Variants in PTGR1 observed in about 807,000 individuals in gnomAD.
PTGR1 encodes the protein prostaglandin reductase 1.
Under a neutral mutation model 37.7 loss-of-function variants are expected in PTGR1, and 23 were observed. That is an observed-to-expected ratio of 0.61 (90% CI 0.44 to 0.86). The LOEUF (loss-of-function observed/expected upper bound fraction) is 0.86. Among genes scored for constraint, PTGR1 ranks in the 40% least tolerant of loss-of-function variants. The pLI is 0.00. For missense variants in PTGR1, 351 were observed against 394.3 expected, an observed-to-expected ratio of 0.89 and a Z score of 0.93; for synonymous variants, 134 against 140.0, an observed-to-expected ratio of 0.96 and a Z score of 0.30.
At chr9:111,586,758 A>G (rs1033342439) in intron 4 of PTGR1, among the ~76,000 whole-genome samples, 5 of 149,434 alleles carry the variant, frequency 3.3e-5, no homozygotes, top group African/African-American at 1.2e-4. Context: ...ATATTCCTTA[A>G]TCATTGTCTG....
At chr9:111,557,233 G>A (rs1256976578) in intron 9 of PTGR1, among the ~76,000 whole-genome samples, 1 of 151,896 alleles carries the variant, frequency 6.6e-6, no homozygotes, top group Non-Finnish European at 1.5e-5. Flanking sequence ...AATTAGCCGG[G>A]CATCATGGCA....
At chr9:111,552,791 TATTAAAATATA>T (rs1163917046) in intron 9 of PTGR1, among the ~76,000 whole-genome samples, 3 of 151,910 alleles carry the variant, frequency 2.0e-5, no homozygotes, top group Admixed American at 2.0e-4. Context: ...TGGTCTTTAT[TATTAAAATATA>T]AATATTCTAT....
chr9:111,565,175 C>T (rs1828501494), intron 9 of PTGR1, among the ~76,000 whole-genome samples: 1 of 151,868 alleles, frequency 6.6e-6, no homozygotes, highest in Non-Finnish European at 1.5e-5. Flanking sequence ...GGGCCTTAAT[C>T]AATATGACTG....
At position 111,553,717 on chromosome 9, in the gene PTGR1, C is replaced by T. The variant is rs541396329; in HGVS notation, c.880-3918G>A. ...TTGTAGTTCTATCAAAATAAAGATA[C>T]GTTTAGTGGAAAAGTATTTGACTCT... On this transcript the variant is annotated intron_variant, in intron 9 of 9. Transcript: ENST00000538962. Among the ~76,000 whole-genome samples, 24 of 152,292 alleles carry T rather than the reference C, an allele frequency of 1.6e-4. No homozygotes were observed. In the East Asian group the frequency reaches 3.5e-3, roughly 22 times the overall value.
chr9:111,583,120 T>C (rs1829329254), intron 6 of PTGR1, among the ~76,000 whole-genome samples: 2 of 152,242 alleles, frequency 1.3e-5, no homozygotes, highest in African/African-American at 4.8e-5. Flanking sequence ...TGATGACTCT[T>C]AGCTGGCTCA....
In PTGR1 at chr9:111,586,133, T is replaced by C. The variant is rs1829421795; in HGVS notation, c.242A>G (p.Lys81Arg). The C allele has an allele frequency of 1.9e-6, 3 of 1,614,152 alleles. No individual in the cohort carries two copies. In the South Asian group the frequency reaches 3.3e-5, roughly 18 times the overall value. The change falls in exon 5 of 10, where the codon AAA becomes AGA. Residue 81 changes from lysine (K) to arginine (R), a missense_variant. Lys to Arg is a conservative substitution (Grantham distance 26). Coordinates refer to ENST00000407693, the MANE Select transcript of PTGR1 (RefSeq NM_001146108.2). ...VVESKNVALP[K>R]GTIVLASPGW... Reference sequence around the variant, plus strand: ...TGGAGAAGCCAGTACAATAGTTCCTTTTGGTAGGGCTACATTTTTACTTTC... The same window carrying C: ...TGGAGAAGCCAGTACAATAGTTCCTCTTGGTAGGGCTACATTTTTACTTTC...
chr9:111,584,175 C>A (rs575421479), intron 5 of PTGR1, among the ~76,000 whole-genome samples: 2 of 152,228 alleles, frequency 1.3e-5, no homozygotes, highest in Non-Finnish European at 2.9e-5. Context: ...ACTGGCAGTA[C>A]TGATGGGGAC....
intron 6 of PTGR1, among the ~76,000 whole-genome samples, chr9:111,581,639 T>A (rs1189864682): frequency 6.7e-6 from 1 of 148,792 alleles, no homozygotes; most frequent in Non-Finnish European, 1.5e-5. Flanking sequence ...GTCCTTTGAA[T>A]TTTTTTTTTT....
At chr9:111,578,326 T>G (rs934673646) in intron 7 of PTGR1, among the ~76,000 whole-genome samples, 1 of 152,148 alleles carries the variant, frequency 6.6e-6, no homozygotes, top group Non-Finnish European at 1.5e-5. Context: ...TTATTTCTAT[T>G]ATTATTGCAA....
intron 5 of PTGR1, among the ~76,000 whole-genome samples, chr9:111,584,349 A>C (rs1298447314): frequency 6.6e-6 from 1 of 152,230 alleles, no homozygotes; most frequent in African/African-American, 2.4e-5. Flanking sequence ...GAGAATAGAG[A>C]GGAAGAGCTC....
downstream of PTGR1, among the ~76,000 whole-genome samples, chr9:111,558,980 C>G (rs1413260130): frequency 6.6e-6 from 1 of 152,134 alleles, no homozygotes; most frequent in East Asian, 1.9e-4. Context: ...CTCCTCCATT[C>G]CTCTCAAGCT....
At chr9:111,599,141 T>C (rs117130434) in intron 1 of PTGR1, among the ~76,000 whole-genome samples, 11,503 of 152,070 alleles carry the variant, frequency 0.076, 602 homozygotes, top group East Asian at 0.23. Flanking sequence ...CGGGAAAGTC[T>C]CGCCCGCCCG....
At chr9:111,570,514 T>A (rs1376910769) in intron 8 of PTGR1, among the ~76,000 whole-genome samples, 2 of 151,976 alleles carry the variant, frequency 1.3e-5, no homozygotes, top group Non-Finnish European at 2.9e-5. Flanking sequence ...CTCACACCTG[T>A]AATCCCAGCA....
At chr9:111,595,363 C>T (rs1258912969) in intron 2 of PTGR1, among the ~76,000 whole-genome samples, 1 of 152,150 alleles carries the variant, frequency 6.6e-6, no homozygotes, top group Non-Finnish European at 1.5e-5. Flanking sequence ...ATATTGCTTC[C>T]ATTTTAGGTT....
At chr9:111,588,196 A>ATTTT (rs71302619) in intron 4 of PTGR1, among the ~76,000 whole-genome samples, 2 of 126,846 alleles carry the variant, frequency 1.6e-5, no homozygotes, top group Non-Finnish European at 3.2e-5. Flanking sequence ...CATCCAGCTA[A>ATTTT]TTTTTTTTTT....
At chr9:111,587,707 C>T (rs961687316) in intron 4 of PTGR1, among the ~76,000 whole-genome samples, 1 of 152,198 alleles carries the variant, frequency 6.6e-6, no homozygotes, top group Non-Finnish European at 1.5e-5. Context: ...GCCTCAGCCT[C>T]CCAAAGTGCT....
At chr9:111,585,901 A>T in intron 5 of PTGR1, 97 bp downstream of exon 5, 1 of 1,409,602 alleles carries the variant, frequency 7.1e-7, no homozygotes, top group Non-Finnish European at 9.8e-7. Flanking sequence ...CCTATCATGC[A>T]TCAAATATCT....
Position 111,570,150 on chromosome 9 carries a change from G to A in PTGR1, c.820C>T (p.Arg274Cys), listed in dbSNP as rs752265017. 3.5e-5 allele frequency: 57 copies of A among 1,613,920 alleles called. 1 individual carries two copies. The highest frequency in any genetic ancestry group is 1.1e-4 in the East Asian group (5 of 44,884). ...TTTTGGCGGGCATCTCCTTGCCAGC[G>A]GTAGACGACAAAAGCTTCCATGCGA... Reference protein sequence around the residue: ...ELRMEAFVVYRWQGDARQKAL... With the variant: ...ELRMEAFVVYCWQGDARQKAL... The change falls in exon 9 of 10, where the codon CGC becomes TGC. Residue 274 changes from arginine (R) to cysteine (C), a missense_variant. Transcript: ENST00000407693.
In PTGR1 at chr9:111,576,533, A is replaced by G. The variant is rs569006170; in HGVS notation, c.652-1691T>C. On this transcript the variant is annotated intron_variant, in intron 7 of 9. Transcript: ENST00000407693. ...AGAGCTGGATGGAGTATGAATCCCA[A>G]CTCTGGGGGTATTAGCTAGTGGAGT... is the stretch of plus-strand genomic sequence containing the variant. The G allele has an allele frequency of 1.2e-4, 156 of 1,351,204 alleles. 2 individuals carry two copies. In the South Asian group the frequency reaches 1.6e-3, roughly 14 times the overall value. 83.7% of individuals were successfully genotyped at this position (1,351,204 alleles called of 1,614,324 possible). A position where few individuals can be genotyped will look rare whatever the true frequency, so the allele number is the denominator to read the frequency against.
Sources: gnomAD v4.1 joint callset for allele counts (sites outside exome capture counted in the v4.1 genomes callset) on GRCh38, gnomAD v4.1.1 for gene constraint, MANE v1.5 for transcripts, NCBI Gene and HGNC (gene_info 2026-07-23, HGNC 2026-07-21) for gene names.